The following PLEKHG4B variants were observed in gnomAD, a reference collection of about 807,000 sequenced individuals.
PLEKHG4B encodes pleckstrin homology domain-containing family G member 4B.
A neutral mutation model predicts 121.3 loss-of-function variants in PLEKHG4B; 111 were observed. The ratio of observed to expected loss-of-function variants is 0.92; its 90% CI spans 0.78 to 1.07. The LOEUF (loss-of-function observed/expected upper bound fraction) is 1.07, where lower values mean the gene tolerates loss of function less well. Ranked by LOEUF, PLEKHG4B falls within the 50% of genes least tolerant of loss-of-function variation. The probability of loss-of-function intolerance (pLI) is 0.00; values close to 1 mark genes in which losing one functional copy is unlikely to be tolerated. For synonymous variants in PLEKHG4B, 738 were observed against 725.0 expected (o/e 1.02, Z -0.29); for missense variants, 1,831 against 1,757.8 (o/e 1.04, Z -0.74).
intron 1 of PLEKHG4B, among the ~76,000 whole-genome samples, chr5:104,914 A>G (rs1410200417): frequency 6.6e-6 from 1 of 152,260 alleles, no homozygotes; most frequent in African/African-American, 2.4e-5. Flanking sequence ...AGCTCCCTCC[A>G]TGGTGGAGAA....
intron 14 of PLEKHG4B, 147 bp from the exon 15 acceptor site, chr5:170,896 C>T (rs1736520272): frequency 1.7e-5 from 11 of 630,364 alleles, no homozygotes; most frequent in East Asian, 1.4e-4. Context: ...AATGAAGGGC[C>T]GAGTCTCCCT....
At chr5:145,040 G>A (rs1186175458) in intron 6 of PLEKHG4B, 120 bp downstream of exon 6, 1 of 921,696 alleles carries the variant, frequency 1.1e-6, no homozygotes, top group Non-Finnish European at 1.6e-6. Context: ...GAAGATTCGA[G>A]ATGGGGGCCC....
In PLEKHG4B at chr5:139,137, G is replaced by T. The variant is rs1336479231; in HGVS notation, c.244-346G>T. 6.6e-6 allele frequency among the ~76,000 whole-genome samples: 1 copy of T among 152,208 alleles called. No individual in the cohort carries two copies. The highest frequency in any genetic ancestry group is 1.5e-5 in the Non-Finnish European group (1 of 68,032). ...TGTGGACGCCCGGCCCCTTGCCCAG[G>T]CTGGGACCACTCTGAGGGACAACTC... On this transcript the variant is annotated intron_variant, in intron 2 of 19. Transcript: ENST00000637938. This position sits in a 1 kb window ranked among gnomAD's most constrained non-coding sequence, Gnocchi z 5.0.
chr5:164,553 T>A, intron 13 of PLEKHG4B, among the ~76,000 whole-genome samples: 1 of 107,716 alleles, frequency 9.3e-6, no homozygotes. Context: ...GCTCACACAG[T>A]AATGCTCTGA....
intron 1 of PLEKHG4B, among the ~76,000 whole-genome samples, chr5:99,113 G>A (rs1733719188): frequency 7.1e-6 from 1 of 141,742 alleles, no homozygotes; most frequent in East Asian, 2.1e-4. Context: ...CCGAGATCGC[G>A]CCATTGCACT....
chr5:171,581 A>G (rs923239275), intron 16 of PLEKHG4B, 137 bp downstream of exon 16: 31 of 879,792 alleles, frequency 3.5e-5, no homozygotes, highest in African/African-American at 3.4e-4. Context: ...CTCAAAGCAC[A>G]GCCTTCTGAA....
intron 1 of PLEKHG4B, among the ~76,000 whole-genome samples, chr5:110,127 C>G (rs986425151): frequency 1.3e-5 from 2 of 150,660 alleles, no homozygotes; most frequent in Non-Finnish European, 2.9e-5. Context: ...CGCACCCACA[C>G]AGTCTGCAAC....
chr5:174,682 G>A lies in PLEKHG4B; in HGVS notation c.4402+584G>A, dbSNP rs1736697274. On this transcript the variant is annotated intron_variant, in intron 18 of 19. Transcript: ENST00000637938. ...ACATCATTTTCTATACAGGGTTGGT[G>A]CACAGTTATAGCAGTTTGGTTGGCT... 2.6e-5 allele frequency among the ~76,000 whole-genome samples: 4 copies of A among 152,246 alleles called. No homozygotes were observed. The South Asian group carries it at 8.3e-4, about 32-fold the overall frequency.
chr5:181,453 CT>C, intron 18 of PLEKHG4B, 60 bp from the exon 19 acceptor site: 2 of 1,557,456 alleles, frequency 1.3e-6, no homozygotes, highest in South Asian at 2.4e-5. Context: ...TACCGGGCGT[CT>C]TTGGGGTGGC....
At chr5:93,798 G>A (rs1733545203) in intron 1 of PLEKHG4B, among the ~76,000 whole-genome samples, 2 of 152,198 alleles carry the variant, frequency 1.3e-5, no homozygotes, top group Admixed American at 1.3e-4. Context: ...TACTTGTAAA[G>A]TAGCCCAGAA....
At chr5:118,499 G>A (rs1365118777) in intron 2 of PLEKHG4B, among the ~76,000 whole-genome samples, 2 of 152,174 alleles carry the variant, frequency 1.3e-5, no homozygotes, top group Admixed American at 6.5e-5. Context: ...TCTCAAGGGT[G>A]TATGATCTCT....
chr5:99,165 A>G (rs1470335587), intron 1 of PLEKHG4B, among the ~76,000 whole-genome samples: 1 of 98,394 alleles, frequency 1.0e-5, no homozygotes, highest in Non-Finnish European at 1.9e-5. Flanking sequence ...CAAAAAAAAA[A>G]AAGTGTATAT....
intron 7 of PLEKHG4B, among the ~76,000 whole-genome samples, chr5:152,098 A>C (rs1008897376): frequency 5.9e-5 from 9 of 152,170 alleles, no homozygotes; most frequent in Admixed American, 2.0e-4. Context: ...GCAAATCGCA[A>C]TGCGAGCGGG....
chr5:171,411 CCTG>C lies in PLEKHG4B; in HGVS notation c.4021_4023del (p.Leu1341del). 1 of 1,605,220 alleles carries C rather than the reference CCTG, an allele frequency of 6.2e-7. No homozygotes were observed. The highest frequency in any genetic ancestry group is 8.5e-7 in the Non-Finnish European group (1 of 1,178,120). On this transcript the variant is annotated inframe_deletion, in exon 16 of 20. Transcript: ENST00000637938. Reference sequence around the variant, plus strand: ...GCTTCCAGCTGCGTCACGGCAATGACCTGCTGGCCATGGACGCCATCCGCGGCT... The same window carrying C: ...GCTTCCAGCTGCGTCACGGCAATGACCTGGCCATGGACGCCATCCGCGGCT...
intron 2 of PLEKHG4B, among the ~76,000 whole-genome samples, chr5:119,890 T>A (rs1489565958): frequency 6.6e-6 from 1 of 152,118 alleles, no homozygotes; most frequent in African/African-American, 2.4e-5. Context: ...TATAGGGAAT[T>A]TTGCTGAGTA....
At chr5:122,961 A>AT (rs1483198425) in intron 2 of PLEKHG4B, among the ~76,000 whole-genome samples, 2 of 152,198 alleles carry the variant, frequency 1.3e-5, no homozygotes, top group African/African-American at 4.8e-5. Flanking sequence ...GTAAATGTCG[A>AT]TTTTTTACCC....
intron 1 of PLEKHG4B, among the ~76,000 whole-genome samples, chr5:107,269 G>C (rs1039512667): frequency 1.6e-4 from 25 of 152,208 alleles, no homozygotes; most frequent in African/African-American, 5.8e-4. Context: ...GATGTTTGCT[G>C]TCAGGGACCC....
intron 13 of PLEKHG4B, among the ~76,000 whole-genome samples, chr5:166,601 G>A (rs1203392403): frequency 1.3e-4 from 20 of 152,212 alleles, no homozygotes; most frequent in East Asian, 9.7e-4. Flanking sequence ...GGCAGGAGGC[G>A]GAGCTCAGGT....
chr5:182,005 G>A lies in PLEKHG4B; in HGVS notation c.4566G>A (p.Glu1522=). 6.2e-7 allele frequency: 1 copy of A among 1,613,054 alleles called. No homozygotes were observed. Among genetic ancestry groups the A allele is most frequent in the Non-Finnish European group, 8.5e-7 (1 of 1,179,116 alleles). ...RVPDSIVKGT[E]SQMRGSTAVS... ...GACGTGCTTTCTGTCCCTTTCCAGAGTCACAAATGAGAGGGTCCACAGCGG... is the reference window on the plus strand; with the variant it reads ...GACGTGCTTTCTGTCCCTTTCCAGAATCACAAATGAGAGGGTCCACAGCGG... Residue 1522 remains glutamate, a splice_region_variant and synonymous_variant, in exon 20 of 20, where the codon GAG becomes GAA. Coordinates refer to ENST00000637938, the MANE Select transcript of PLEKHG4B (RefSeq NM_052909.5).
Sources: gnomAD v4.1 joint callset for allele counts (sites outside exome capture counted in the v4.1 genomes callset) on GRCh38, gnomAD v4.1.1 for gene constraint, Gnocchi (gnomAD v3.1) non-coding constraint, MANE v1.5 for transcripts, NCBI Gene and HGNC (gene_info 2026-07-23, HGNC 2026-07-21) for gene names.